CACNA1I: variants seen among roughly 807,000 people sequenced by gnomAD.
CACNA1I encodes the protein calcium voltage-gated channel subunit alpha1 I, also known as voltage-dependent T-type calcium channel subunit alpha-1I.
Under a neutral mutation model 201.6 loss-of-function variants are expected in CACNA1I, and 74 were observed. The observed-to-expected ratio is 0.37, with a 90% CI of 0.30 to 0.45. CACNA1I has a LOEUF of 0.45. Ranked by LOEUF, CACNA1I falls within the 20% of genes least tolerant of loss-of-function variation. The pLI is 1.00. For synonymous variants in CACNA1I, 1,431 were observed against 1,345.2 expected (o/e 1.06, Z -1.40); for missense variants, 2,346 against 3,138.1 (o/e 0.75, Z 6.03).
intron 10 of CACNA1I, among the ~76,000 whole-genome samples, chr22:39,653,143 C>G (rs1569081670): frequency 9.0e-6 from 1 of 111,450 alleles, no homozygotes; most frequent in Non-Finnish European, 1.7e-5. Flanking sequence ...GCCCCCCACA[C>G]AGTGGCTAAG....
intron 1 of CACNA1I, among the ~76,000 whole-genome samples, chr22:39,578,105 G>A (rs1157612874): frequency 1.3e-5 from 2 of 152,070 alleles, no homozygotes; most frequent in Non-Finnish European, 2.9e-5. Flanking sequence ...GTGGGAAATT[G>A]TTGGCTCCTG....
At chr22:39,658,866 C>T (rs1934906287) in intron 11 of CACNA1I, 65 bp from the exon 12 acceptor site, 4 of 1,376,140 alleles carry the variant, frequency 2.9e-6, no homozygotes, top group Admixed American at 2.0e-5. Flanking sequence ...CTCTGTCTTC[C>T]TCTCCCCCTG....
chr22:39,665,608 G>T lies in CACNA1I; in HGVS notation c.3962G>T (p.Gly1321Val). 6.2e-7 allele frequency: 1 copy of T among 1,613,800 alleles called. No individual in the cohort carries two copies. Among genetic ancestry groups the T allele is most frequent in the Non-Finnish European group, 8.5e-7 (1 of 1,179,790 alleles). Residue 1321 changes from glycine (G) to valine (V), a missense_variant, in exon 22 of 37, where the codon GGC becomes GTC. Around this residue, in one of 13 missense-constraint regions of CACNA1I, gnomAD observed 228 missense variants for 395.7 expected, o/e 0.58. Transcript: ENST00000402142. This position sits in a 1 kb window ranked among gnomAD's most constrained non-coding sequence, Gnocchi z 5.5. ...LICCAFFIIF[G>V]ILGVQLFKGK... Reference sequence around the variant, plus strand: ...TGCTGTGCCTTCTTCATCATCTTTGGCATCCTGGGAGTGCAGGTGAGGGGT... The same window carrying T: ...TGCTGTGCCTTCTTCATCATCTTTGTCATCCTGGGAGTGCAGGTGAGGGGT...
intron 5 of CACNA1I, among the ~76,000 whole-genome samples, chr22:39,640,283 G>T (rs1215755479): frequency 6.6e-6 from 1 of 152,156 alleles, no homozygotes; most frequent in African/African-American, 2.4e-5. Flanking sequence ...TATCTACTCA[G>T]GAGGCTGAGA....
chr22:39,577,741 A>G (rs1932407355), intron 1 of CACNA1I, among the ~76,000 whole-genome samples: 1 of 152,060 alleles, frequency 6.6e-6, no homozygotes, highest in Non-Finnish European at 1.5e-5. Context: ...GGGCCTGGAG[A>G]GGGGGCTTGG....
chr22:39,646,378 T>G (rs1569077716), intron 7 of CACNA1I, among the ~76,000 whole-genome samples, 191 bp from the exon 8 acceptor site: 1 of 152,030 alleles, frequency 6.6e-6, no homozygotes, highest in African/African-American at 2.4e-5. Context: ...GTGTCTCCGG[T>G]TGGTCCCTGC....
chr22:39,572,939 T>C (rs563758517), intron 1 of CACNA1I, among the ~76,000 whole-genome samples: 1 of 152,084 alleles, frequency 6.6e-6, no homozygotes, highest in East Asian at 1.9e-4. Context: ...GTATTTTTAG[T>C]AGAGATGGGG....
In CACNA1I at chr22:39,670,191, G is replaced by C; in HGVS notation, c.4348G>C (p.Glu1450Gln). The C allele has an allele frequency of 6.2e-7, 1 of 1,613,852 alleles. No individual in the cohort carries two copies. Among genetic ancestry groups the C allele is most frequent in the Non-Finnish European group, 8.5e-7 (1 of 1,179,862 alleles). ...HQEAEEARRR[E>Q]EKRLRRLEKK... ...GGAGGCTGAAGAGGCACGGCGGCGTGAGGAGAAGCGGCTGCGGCGCCTGGA... is the reference window on the plus strand; with the variant it reads ...GGAGGCTGAAGAGGCACGGCGGCGTCAGGAGAAGCGGCTGCGGCGCCTGGA... Residue 1450 changes from glutamate (E) to glutamine (Q), a missense_variant, in exon 25 of 37, where the codon GAG becomes CAG. Physicochemically the swap from Glu to Gln is conservative, Grantham distance 29. Around this residue, in one of 13 missense-constraint regions of CACNA1I, gnomAD observed 228 missense variants for 395.7 expected, o/e 0.58. Transcript: ENST00000402142.
chr22:39,662,329 C>G lies in CACNA1I; in HGVS notation c.3266C>G (p.Pro1089Arg), dbSNP rs1401275484. The change falls in exon 17 of 37, where the codon CCC (proline) becomes CGC (arginine). Residue 1089 changes from proline to arginine, a missense_variant. This residue lies in a region of CACNA1I where 288 missense variants were observed against 255.2 expected (regional missense o/e 1.13). Coordinates refer to ENST00000402142, the MANE Select transcript of CACNA1I (RefSeq NM_021096.4). ...GCCTGGAGGGCGGCAGGCCCGGCCC[C>G]CGGGCATGAGGACTGCAATGGCAGG... ...RAAWRAAGPAPGHEDCNGRMP... is the reference protein window; with the variant it reads ...RAAWRAAGPARGHEDCNGRMP... The G allele has an allele frequency of 1.4e-6, 2 of 1,478,942 alleles. No homozygotes were observed. Among genetic ancestry groups the G allele is most frequent in the Admixed American group, 5.1e-5 (2 of 39,062 alleles). 91.6% of individuals were successfully genotyped at this position (1,478,942 alleles called of 1,614,324 possible).
At chr22:39,622,979 C>T (rs1322846264) in intron 4 of CACNA1I, among the ~76,000 whole-genome samples, 1 of 152,192 alleles carries the variant, frequency 6.6e-6, no homozygotes, top group Non-Finnish European at 1.5e-5. Context: ...GTGCACGTTG[C>T]AGAGGGTCGC....
intron 29 of CACNA1I, among the ~76,000 whole-genome samples, chr22:39,674,617 G>A (rs905679440): frequency 6.6e-6 from 1 of 152,126 alleles, no homozygotes; most frequent in Non-Finnish European, 1.5e-5. Flanking sequence ...GGGCCACAGA[G>A]GGCATCTTTT....
At chr22:39,671,118 C>T (rs1051284837) in intron 26 of CACNA1I, among the ~76,000 whole-genome samples, 164 bp downstream of exon 26, 6 of 152,218 alleles carry the variant, frequency 3.9e-5, no homozygotes, top group East Asian at 1.9e-4. Flanking sequence ...GAGGAGGTGC[C>T]GGACAAGCTT....
intron 1 of CACNA1I, among the ~76,000 whole-genome samples, chr22:39,583,517 C>T (rs1011165556): frequency 2.0e-5 from 3 of 152,130 alleles, no homozygotes; most frequent in African/African-American, 7.2e-5. Context: ...TCTGCTTATC[C>T]ACCCATCCCT....
intron 4 of CACNA1I, among the ~76,000 whole-genome samples, chr22:39,626,688 C>T (rs530571856): frequency 3.2e-4 from 48 of 152,248 alleles, no homozygotes; most frequent in African/African-American, 1.1e-3. Flanking sequence ...CCTCCGCCTC[C>T]TGGGTTCAAG....
Position 39,665,029 on chromosome 22 carries a change from C to T in CACNA1I, c.3851+106C>T. ...CGCCCTCCCCGCCCGCCCACTCGGT[C>T]CTCCAATAGTGAGTGCCAAACACCC... On this transcript the variant is annotated intron_variant, in intron 21 of 36. Transcript: ENST00000402142. This position sits in a 1 kb window ranked among gnomAD's most constrained non-coding sequence, Gnocchi z 5.5. The T allele has an allele frequency of 9.7e-7, 1 of 1,035,138 alleles. No homozygotes were observed. Among genetic ancestry groups the T allele is most frequent in the Non-Finnish European group, 1.4e-6 (1 of 709,036 alleles). 64.1% of individuals were successfully genotyped at this position (1,035,138 alleles called of 1,614,324 possible).
Position 39,648,055 on chromosome 22 carries a change from C to G in CACNA1I, c.1567+129C>G. On this transcript the variant is annotated intron_variant, in intron 9 of 36. Coordinates refer to ENST00000402142, the MANE Select transcript of CACNA1I (RefSeq NM_021096.4). This position sits in a 1 kb window ranked among gnomAD's most constrained non-coding sequence, Gnocchi z 5.4. ...CAGCCGCGACCCTCTGCAGGCCTGT[C>G]TCCCTCTATAAAGTGAGGACAGGGG... 2 of 790,020 alleles carry G rather than the reference C, an allele frequency of 2.5e-6. No individual in the cohort carries two copies. The highest frequency in any genetic ancestry group is 4.1e-6 in the Non-Finnish European group (2 of 491,630). 48.9% of individuals were successfully genotyped at this position (790,020 alleles called of 1,614,324 possible). A position where few individuals can be genotyped will look rare whatever the true frequency, so the allele number is the denominator to read the frequency against.
intron 8 of CACNA1I, among the ~76,000 whole-genome samples, chr22:39,647,574 G>A (rs1350431466): frequency 2.0e-5 from 3 of 152,148 alleles, no homozygotes; most frequent in Non-Finnish European, 4.4e-5. Flanking sequence ...ACCATGCCCG[G>A]CTAATTTTTT....
chr22:39,637,906 C>T (rs1934259719), intron 5 of CACNA1I, among the ~76,000 whole-genome samples: 1 of 152,044 alleles, frequency 6.6e-6, no homozygotes, highest in African/African-American at 2.4e-5. Flanking sequence ...ACGTCCAAAT[C>T]TAGCTTTGTG....
intron 33 of CACNA1I, 135 bp from the exon 34 acceptor site, chr22:39,680,795 T>C (rs1407456285): frequency 1.8e-5 from 17 of 924,228 alleles, no homozygotes; most frequent in Non-Finnish European, 2.6e-5. Context: ...ATCATCCGTG[T>C]CCAGCAGGTG....
Sources: allele counts gnomAD v4.1 joint callset (sites outside exome capture counted in the v4.1 genomes callset), GRCh38; gene constraint gnomAD v4.1.1; regional missense constraint gnomAD v4.1.1; non-coding constraint Gnocchi (gnomAD v3.1); transcripts MANE v1.5; gene names NCBI Gene and HGNC (gene_info 2026-07-23, HGNC 2026-07-21).